PIK3CB: variants seen among roughly 807,000 people sequenced by gnomAD.
PIK3CB encodes phosphatidylinositol 4,5-bisphosphate 3-kinase catalytic subunit beta isoform.
Under a neutral mutation model 136.8 loss-of-function variants are expected in PIK3CB, and 39 were observed. That is an observed-to-expected ratio of 0.29 (90% confidence interval 0.22 to 0.37). PIK3CB has a LOEUF of 0.37. PIK3CB is among the 10% of genes least tolerant of loss of function. The pLI is 1.00. For missense variants in PIK3CB, 868 were observed against 1,275.4 expected (o/e 0.68, Z 4.87); for synonymous variants, 428 against 436.6 (o/e 0.98, Z 0.25).
intron 4 of PIK3CB, 115 bp downstream of exon 4, chr3:138,755,639 T>A (rs2045551685): frequency 3.5e-6 from 2 of 565,274 alleles, no homozygotes; most frequent in East Asian, 2.9e-5. Context: ...AATTTACAGA[T>A]CAGCAGTGGT....
At chr3:138,765,185 T>C (rs1455443000) in intron 2 of PIK3CB, among the ~76,000 whole-genome samples, 1 of 152,142 alleles carries the variant, frequency 6.6e-6, no homozygotes, top group Non-Finnish European at 1.5e-5. Context: ...CTGGGCGTGA[T>C]GGCTGCCTGT....
intron 1 of PIK3CB, among the ~76,000 whole-genome samples, chr3:138,806,069 A>C (rs2046231143): frequency 6.6e-6 from 1 of 152,144 alleles, no homozygotes; most frequent in South Asian, 2.1e-4. Context: ...TTACAAAAAG[A>C]ATCAGAACTT....
chr3:138,681,912 T>C (rs775232104), intron 19 of PIK3CB, 55 bp downstream of exon 19: 82 of 1,022,456 alleles, frequency 8.0e-5, no homozygotes, highest in Non-Finnish European at 1.2e-4. Context: ...AAATTCTAGA[T>C]ATTTTTGCTA....
chr3:138,825,618 A>G, intron 1 of PIK3CB: 1 of 621,068 alleles, frequency 1.6e-6, no homozygotes. Context: ...ATGCCAGGGG[A>G]ACCATGCTAC....
At chr3:138,728,499 C>T (rs756123476) in intron 8 of PIK3CB, among the ~76,000 whole-genome samples, 8 of 152,020 alleles carry the variant, frequency 5.3e-5, no homozygotes, top group Admixed American at 2.0e-4. Flanking sequence ...CAATGGATGC[C>T]AGGCGCAGTG....
At position 138,672,826 on chromosome 3, in the gene PIK3CB, C is replaced by T. The variant is rs543280043; in HGVS notation, c.2505-7623G>A. On this transcript the variant is annotated intron_variant, in intron 19 of 23. Transcript: ENST00000674063. The stretch of plus-strand genomic sequence containing the variant: ...ACTGGGGAGGCTGAGGCAGGAGAAT[C>T]GCTTGAACCTGGGAGGTGGAGATTG... Among the ~76,000 whole-genome samples the T allele has an allele frequency of 9.4e-5, 14 of 148,158 alleles. No individual in the cohort carries two copies. The South Asian group carries it at 2.8e-3, about 30-fold the overall frequency.
chr3:138,665,072 T>C lies in PIK3CB; in HGVS notation c.2636A>G (p.Asp879Gly). Reference protein sequence around the residue: ...NVAAAAAFNKDALLNWLKEYN... With the variant: ...NVAAAAAFNKGALLNWLKEYN... ...TTCTTTAAGCCAGTTCAGAAGGGCA[T>C]CTTTGTTGAAGGCTGCTGCAGCAGC... The change falls in exon 20 of 24, where the codon GAT (aspartate) becomes GGT (glycine). Residue 879 changes from aspartate (D) to glycine (G), a missense_variant. Around this residue, in one of 4 missense-constraint regions of PIK3CB, gnomAD observed 165 missense variants for 295.4 expected, o/e 0.56. Transcript: ENST00000674063. 6.2e-7 allele frequency: 1 copy of C among 1,612,628 alleles called. No homozygotes were observed. The highest frequency in any genetic ancestry group is 8.5e-7 in the Non-Finnish European group (1 of 1,179,136).
intron 19 of PIK3CB, among the ~76,000 whole-genome samples, chr3:138,669,592 A>G (rs189781798): frequency 1.3e-5 from 2 of 152,328 alleles, no homozygotes; most frequent in East Asian, 1.9e-4. Context: ...ATATGTAGCC[A>G]GCCTATAAGA....
At chr3:138,790,278 T>C (rs1346631537) in intron 2 of PIK3CB, among the ~76,000 whole-genome samples, 1 of 152,032 alleles carries the variant, frequency 6.6e-6, no homozygotes, top group Non-Finnish European at 1.5e-5. Flanking sequence ...TGATGTACTT[T>C]TGTGAATGTA....
intron 8 of PIK3CB, among the ~76,000 whole-genome samples, chr3:138,722,133 T>G (rs1332063739): frequency 8.0e-6 from 1 of 124,838 alleles, no homozygotes; most frequent in African/African-American, 3.3e-5. Context: ...CTGGGTGTTT[T>G]TTTTTTTTTT....
At chr3:138,725,185 A>G (rs2044811064) in intron 8 of PIK3CB, among the ~76,000 whole-genome samples, 1 of 151,442 alleles carries the variant, frequency 6.6e-6, no homozygotes, top group South Asian at 2.1e-4. Context: ...CTCCCTAAAT[A>G]TATATATTTT....
intron 8 of PIK3CB, among the ~76,000 whole-genome samples, chr3:138,731,549 A>G (rs1174119960): frequency 1.3e-5 from 2 of 151,912 alleles, no homozygotes; most frequent in East Asian, 3.9e-4. Context: ...TACCACGCCC[A>G]GCCTGTTTGC....
chr3:138,827,395 C>G (rs1203914186), intron 1 of PIK3CB, among the ~76,000 whole-genome samples: 1 of 152,084 alleles, frequency 6.6e-6, no homozygotes, highest in African/African-American at 2.4e-5. Flanking sequence ...TGGCTCTAGC[C>G]TGTAATCAGA....
chr3:138,665,227 GAGTCATATTTTCCTTAA>G, intron 19 of PIK3CB, 24 bp from the exon 20 acceptor site: 2 of 1,515,016 alleles, frequency 1.3e-6, no homozygotes, highest in Non-Finnish European at 1.8e-6. Context: ...AATGGGCATA[GAGTCATATTTTCCTTAA>G]AATGAAACAT....
chr3:138,682,143 C>A (rs751063948), intron 18 of PIK3CB, 98 bp from the exon 19 acceptor site: 8 of 692,612 alleles, frequency 1.2e-5, no homozygotes, highest in Admixed American at 8.1e-5. Flanking sequence ...AAAACATTAA[C>A]AAACTCTGTG....
At chr3:138,802,189 C>T in intron 1 of PIK3CB, among the ~76,000 whole-genome samples, 1 of 146,542 alleles carries the variant, frequency 6.8e-6, no homozygotes, top group Non-Finnish European at 1.5e-5. Context: ...GCCTGGCCAA[C>T]ACAGTGAAAC....
At chr3:138,703,801 A>G (rs1435448923) in intron 12 of PIK3CB, among the ~76,000 whole-genome samples, 1 of 152,144 alleles carries the variant, frequency 6.6e-6, no homozygotes, top group Non-Finnish European at 1.5e-5. Flanking sequence ...CTCTTAGCCA[A>G]GCGCATGACT....
intron 2 of PIK3CB, among the ~76,000 whole-genome samples, chr3:138,768,122 C>T (rs971686851): frequency 6.6e-6 from 1 of 151,476 alleles, no homozygotes; most frequent in Non-Finnish European, 1.5e-5. Flanking sequence ...ATCCTGTCAT[C>T]TCTGCAGCTC....
At chr3:138,780,129 T>C (rs2108785859) in intron 2 of PIK3CB, among the ~76,000 whole-genome samples, 1 of 151,678 alleles carries the variant, frequency 6.6e-6, no homozygotes, top group South Asian at 2.1e-4. Context: ...GGCTAATTTT[T>C]GGTATTTTTA....
Sources: allele counts gnomAD v4.1 joint callset (sites outside exome capture counted in the v4.1 genomes callset), GRCh38; gene constraint gnomAD v4.1.1; regional missense constraint gnomAD v4.1.1; transcripts MANE v1.5; gene names NCBI Gene and HGNC (gene_info 2026-07-23, HGNC 2026-07-21).